The following TLN2 variants were observed in gnomAD, a reference collection of about 807,000 sequenced individuals.
TLN2 encodes talin 2, also known as talin-2.
In TLN2, 118 loss-of-function variants were observed where a neutral mutation model predicts 294.7. That is an observed-to-expected ratio of 0.40 (90% CI 0.34 to 0.47). The LOEUF is 0.47. TLN2 is among the 20% of genes least tolerant of loss of function. The probability of loss-of-function intolerance (pLI) is 0.84; values close to 1 mark genes in which losing one functional copy is unlikely to be tolerated. For missense variants in TLN2, 3,083 were observed against 3,282.2 expected, an observed-to-expected ratio of 0.94 and a Z score of 1.48; for synonymous variants, 1,431 against 1,304.5, an observed-to-expected ratio of 1.10 and a Z score of -2.09.
intron 1 of TLN2, among the ~76,000 whole-genome samples, chr15:62,541,167 G>T (rs1019329464): frequency 6.6e-6 from 1 of 152,138 alleles, no homozygotes; most frequent in Non-Finnish European, 1.5e-5. Context: ...TGTGTTAGGG[G>T]TATGAGGTTT....
chr15:62,562,906 T>A (rs918457338), intron 1 of TLN2, among the ~76,000 whole-genome samples: 3 of 99,244 alleles, frequency 3.0e-5, no homozygotes, highest in Non-Finnish European at 4.1e-5. Context: ...TAGTATTCCA[T>A]CACACACACA....
At chr15:62,718,581 T>C (rs2140909244) in intron 24 of TLN2, among the ~76,000 whole-genome samples, 1 of 152,328 alleles carries the variant, frequency 6.6e-6, no homozygotes, top group Middle Eastern at 3.4e-3. Context: ...ACTGCTGTTG[T>C]GGACTGAATG....
chr15:62,688,345 G>A (rs527816585), intron 12 of TLN2, among the ~76,000 whole-genome samples: 20 of 152,160 alleles, frequency 1.3e-4, no homozygotes, highest in Non-Finnish European at 2.1e-4. Context: ...TTTTTAGTTT[G>A]ATTCCATTAT....
At chr15:62,662,053 C>G (rs1370469873) in intron 9 of TLN2, among the ~76,000 whole-genome samples, 2 of 151,618 alleles carry the variant, frequency 1.3e-5, no homozygotes, top group African/African-American at 4.9e-5. Flanking sequence ...ATTAGTAGAA[C>G]AAGATCAAAA....
At chr15:62,603,181 C>T (rs1005468924) in intron 2 of TLN2, among the ~76,000 whole-genome samples, 6 of 152,146 alleles carry the variant, frequency 3.9e-5, no homozygotes, top group African/African-American at 4.8e-5. Context: ...CGTGAGCCAC[C>T]GCGCCCGGCC....
intron 12 of TLN2, among the ~76,000 whole-genome samples, chr15:62,691,516 TTGG>T (rs2057910752): frequency 6.6e-6 from 1 of 152,222 alleles, no homozygotes; most frequent in Non-Finnish European, 1.5e-5. Flanking sequence ...TTGCAATTTA[TTGG>T]TGAAGCATTT....
intron 1 of TLN2, among the ~76,000 whole-genome samples, chr15:62,530,982 T>C (rs7177762): frequency 0.11 from 16,433 of 152,146 alleles, 2,145 homozygotes; most frequent in African/African-American, 0.32. Context: ...GTCTATTGTT[T>C]TAGTCGTGAA....
At chr15:62,800,342 C>T in intron 48 of TLN2, 26 bp from the exon 49 acceptor site, 2 of 1,609,662 alleles carry the variant, frequency 1.2e-6, no homozygotes, top group Non-Finnish European at 1.7e-6. Context: ...GACGCCTGCT[C>T]ACCTGAGTTC....
At chr15:62,396,603 G>A (rs531709314) in intron 1 of TLN2, among the ~76,000 whole-genome samples, 98 of 152,270 alleles carry the variant, frequency 6.4e-4, no homozygotes, top group Middle Eastern at 6.8e-3. Flanking sequence ...GGTGGTGAAA[G>A]TAAGAGCTCA....
intron 1 of TLN2, among the ~76,000 whole-genome samples, chr15:62,478,761 G>T (rs549288406): frequency 6.6e-6 from 1 of 152,292 alleles, no homozygotes; most frequent in East Asian, 1.9e-4. Flanking sequence ...AAGTGACCTC[G>T]CTCTGGTCAG....
At position 62,686,673 on chromosome 15, in the gene TLN2, T is replaced by C; in HGVS notation, c.990T>C (p.Pro330=). 1 of 1,613,898 alleles carries C rather than the reference T, an allele frequency of 6.2e-7. No individual in the cohort carries two copies. Among genetic ancestry groups the C allele is most frequent in the South Asian group, 1.1e-5 (1 of 91,008 alleles). Residue 330 remains proline, a synonymous_variant, in exon 12 of 59, where the codon CCT becomes CCC. Coordinates refer to ENST00000636159, the MANE Select transcript of TLN2 (RefSeq NM_015059.3). ...EKMKGKNKLV[P]RLLGITKDSV... is the part of the protein sequence containing the mutation. ...TGAAAGGCAAGAACAAGCTGGTGCC[T>C]CGCCTGCTGGGGATCACCAAAGACT...
intron 32 of TLN2, 28 bp from the exon 33 acceptor site, chr15:62,748,323 A>C: frequency 6.3e-7 from 1 of 1,580,292 alleles, no homozygotes; most frequent in Non-Finnish European, 8.6e-7. Flanking sequence ...TCTTCAAAAA[A>C]AAAAAAAAAA....
At chr15:62,496,255 T>C (rs2039010834) in intron 1 of TLN2, among the ~76,000 whole-genome samples, 1 of 152,214 alleles carries the variant, frequency 6.6e-6, no homozygotes. Flanking sequence ...GCAGCTTATT[T>C]CCTGGGGTGA....
At chr15:62,769,570 T>G (rs956149528) in intron 41 of TLN2, among the ~76,000 whole-genome samples, 5 of 152,210 alleles carry the variant, frequency 3.3e-5, no homozygotes, top group African/African-American at 1.2e-4. Context: ...TAAGTTTTAT[T>G]GTTGGCCAAT....
intron 2 of TLN2, among the ~76,000 whole-genome samples, chr15:62,616,720 G>C (rs536976018): frequency 4.5e-4 from 68 of 152,332 alleles, no homozygotes; most frequent in African/African-American, 1.5e-3. Context: ...GAGTCAGAGA[G>C]CCTTTGCTGT....
chr15:62,424,935 G>T (rs1007851436), intron 1 of TLN2, among the ~76,000 whole-genome samples: 1 of 141,538 alleles, frequency 7.1e-6, no homozygotes, highest in Non-Finnish European at 1.5e-5. Context: ...TCACAGGCAT[G>T]AGCCACCGTG....
chr15:62,689,834 TGG>T, intron 12 of TLN2, among the ~76,000 whole-genome samples: 1 of 136,254 alleles, frequency 7.3e-6, no homozygotes, highest in Middle Eastern at 3.6e-3. Context: ...TCAAAATTCT[TGG>T]TATGGGCTTC....
At chr15:62,839,864 GTAA>G (rs2070399655) in intron 58 of TLN2, among the ~76,000 whole-genome samples, 1 of 152,218 alleles carries the variant, frequency 6.6e-6, no homozygotes. Context: ...CCCTGCCCTG[GTAA>G]TAATGATAGT....
intron 1 of TLN2, among the ~76,000 whole-genome samples, chr15:62,498,122 C>T (rs2039105498): frequency 6.9e-6 from 1 of 144,536 alleles, no homozygotes; most frequent in African/African-American, 2.6e-5. Flanking sequence ...CCACTGCACT[C>T]CAGCCTGGGT....
Sources: gnomAD v4.1 joint callset for allele counts (sites outside exome capture counted in the v4.1 genomes callset) on GRCh38, gnomAD v4.1.1 for gene constraint, MANE v1.5 for transcripts, NCBI Gene and HGNC (gene_info 2026-07-23, HGNC 2026-07-21) for gene names.